The following MMS22L variants were observed in gnomAD, a reference collection of about 807,000 sequenced individuals.
MMS22L encodes protein MMS22-like.
A neutral mutation model predicts 159.1 loss-of-function variants in MMS22L; 74 were observed. The observed-to-expected ratio is 0.47, with a 90% confidence interval of 0.39 to 0.56. The LOEUF (loss-of-function observed/expected upper bound fraction) is 0.56. MMS22L is among the 20% of genes least tolerant of loss of function. MMS22L has a pLI of 0.00. For synonymous variants in MMS22L, 517 were observed against 506.9 expected (o/e 1.02, Z -0.27); for missense variants, 1,351 against 1,422.1 (o/e 0.95, Z 0.80).
intron 14 of MMS22L, among the ~76,000 whole-genome samples, chr6:97,215,065 T>C (rs1205521781): frequency 6.7e-6 from 1 of 149,112 alleles, no homozygotes; most frequent in Non-Finnish European, 1.5e-5. Context: ...CAATTTCTGA[T>C]TTTTTTCACA....
At chr6:97,192,167 CGGATGGATGGATGGATGGATGGAT>C (rs111699319) in intron 14 of MMS22L, among the ~76,000 whole-genome samples, 1 of 148,378 alleles carries the variant, frequency 6.7e-6, no homozygotes, top group Non-Finnish European at 1.5e-5. Flanking sequence ...AGGTGGTAGA[CGGATGGATGGATGGATGGATGGAT>C]GGATGGATGG....
Position 97,142,703 on chromosome 6 carries a change from G to A in MMS22L, c.*4103C>T, listed in dbSNP as rs1800697546. The A allele has an allele frequency of 6.6e-6, 1 of 152,034 alleles. No homozygotes were observed. Among genetic ancestry groups the A allele is most frequent in the African/African-American group, 2.4e-5 (1 of 41,408 alleles). The allele number at this position is 152,034 out of a possible 1,614,324, so 9.4% of individuals were successfully genotyped here. A position where few individuals can be genotyped will look rare whatever the true frequency, so the allele number is the denominator to read the frequency against. On this transcript the variant is annotated 3_prime_UTR_variant, in exon 25 of 25. Coordinates refer to ENST00000683635, the MANE Select transcript of MMS22L (RefSeq NM_001350599.2). ...GTTTGGGGAAGGCAGATTTCTAAAG[G>A]CTTTTCCTAACTGTAGAAGCTTGTC...
At chr6:97,215,118 T>C (rs370592496) in intron 14 of MMS22L, among the ~76,000 whole-genome samples, 1 of 144,310 alleles carries the variant, frequency 6.9e-6, no homozygotes, top group Admixed American at 6.8e-5. Context: ...ATATATATTT[T>C]TTTTTTGCAT....
chr6:97,228,681 T>C (rs1388615667), intron 14 of MMS22L, among the ~76,000 whole-genome samples: 1 of 152,156 alleles, frequency 6.6e-6, no homozygotes, highest in Non-Finnish European at 1.5e-5. Context: ...CCAAAACACT[T>C]CTAGTCCCAA....
chr6:97,268,692 T>C (rs1005991586), intron 7 of MMS22L, among the ~76,000 whole-genome samples: 2 of 152,158 alleles, frequency 1.3e-5, no homozygotes, highest in Admixed American at 6.5e-5. Context: ...GCAATTGTTT[T>C]ATGGCATAAA....
intron 14 of MMS22L, among the ~76,000 whole-genome samples, chr6:97,195,609 C>G (rs1806409901): frequency 6.6e-6 from 1 of 152,198 alleles, no homozygotes; most frequent in East Asian, 1.9e-4. Context: ...CAGTGCTAGT[C>G]ACTATGTCTG....
At position 97,151,812 on chromosome 6, in the gene MMS22L, C is replaced by A. The variant is rs753770730; in HGVS notation, c.3441G>T (p.Gly1147=). Reference sequence around the variant, plus strand: ...GCTGGGAGGAAGGTTCTTCTTCTGACCCCACTTGGCAGGCTTTTACCATGT... The same window carrying A: ...GCTGGGAGGAAGGTTCTTCTTCTGAACCCACTTGGCAGGCTTTTACCATGT... ...LQYMVKACQV[G]SEEEPSSQLT... The change falls in exon 23 of 25, where the codon GGG becomes GGT. Residue 1147 remains glycine, a synonymous_variant. Coordinates refer to ENST00000683635, the MANE Select transcript of MMS22L (RefSeq NM_001350599.2). 69 of 1,613,480 alleles carry A rather than the reference C, an allele frequency of 4.3e-5. 1 individual carries two copies. The highest frequency in any genetic ancestry group is 5.4e-5 in the Non-Finnish European group (64 of 1,179,638).
chr6:97,219,019 G>C (rs1428331166), intron 14 of MMS22L, among the ~76,000 whole-genome samples: 1 of 152,110 alleles, frequency 6.6e-6, no homozygotes, highest in African/African-American at 2.4e-5. Context: ...ATCAGATCTC[G>C]TGAGAACTCA....
At chr6:97,206,627 A>G (rs1807817703) in intron 14 of MMS22L, among the ~76,000 whole-genome samples, 1 of 152,130 alleles carries the variant, frequency 6.6e-6, no homozygotes, top group Non-Finnish European at 1.5e-5. Context: ...ATACCTATCA[A>G]AAGTACACTT....
At chr6:97,208,957 T>C (rs949020867) in intron 14 of MMS22L, among the ~76,000 whole-genome samples, 5 of 151,864 alleles carry the variant, frequency 3.3e-5, no homozygotes, top group East Asian at 1.9e-4. Flanking sequence ...AGCATTTTTT[T>C]CCTCACTTCT....
chr6:97,160,509 AT>A (rs1428485905), intron 22 of MMS22L, among the ~76,000 whole-genome samples: 4 of 151,678 alleles, frequency 2.6e-5, no homozygotes, highest in Non-Finnish European at 4.4e-5. Context: ...AGGATGAGTC[AT>A]TTTTCTCTGG....
chr6:97,207,175 C>G (rs1807878229), intron 14 of MMS22L, among the ~76,000 whole-genome samples: 1 of 152,116 alleles, frequency 6.6e-6, no homozygotes, highest in African/African-American at 2.4e-5. Flanking sequence ...ATGTTCCACT[C>G]ATTTTTCCAT....
intron 22 of MMS22L, among the ~76,000 whole-genome samples, chr6:97,157,231 G>A (rs1485755377): frequency 6.6e-6 from 1 of 152,094 alleles, no homozygotes; most frequent in African/African-American, 2.4e-5. Flanking sequence ...GAGACGATGG[G>A]GTTTCCTAAA....
intron 12 of MMS22L, among the ~76,000 whole-genome samples, chr6:97,233,246 G>C (rs887635119): frequency 3.9e-5 from 6 of 152,044 alleles, no homozygotes; most frequent in Admixed American, 2.0e-4. Context: ...CTATAATTCA[G>C]AACTATTTAA....
intron 14 of MMS22L, among the ~76,000 whole-genome samples, chr6:97,206,771 A>C (rs185009496): frequency 6.6e-6 from 1 of 152,284 alleles, no homozygotes; most frequent in African/African-American, 2.4e-5. Context: ...AACGCCCATC[A>C]TAAGGACCAT....
intron 22 of MMS22L, among the ~76,000 whole-genome samples, chr6:97,158,616 C>A (rs887349463): frequency 6.6e-6 from 1 of 152,070 alleles, no homozygotes; most frequent in Non-Finnish European, 1.5e-5. Flanking sequence ...TGTAGTTGTG[C>A]GGTTTTGAGT....
At chr6:97,280,522 G>A (rs1816666828) in intron 3 of MMS22L, among the ~76,000 whole-genome samples, 2 of 152,028 alleles carry the variant, frequency 1.3e-5, no homozygotes, top group African/African-American at 4.8e-5. Context: ...TAGTACAGAA[G>A]GGGCTTCACC....
intron 10 of MMS22L, chr6:97,254,352 T>C: frequency 2.0e-6 from 1 of 509,706 alleles, no homozygotes; most frequent in Non-Finnish European, 3.4e-6. Flanking sequence ...TACCAAATCT[T>C]CTACAAGTAA....
At chr6:97,195,383 G>T (rs1358935886) in intron 14 of MMS22L, among the ~76,000 whole-genome samples, 1 of 152,010 alleles carries the variant, frequency 6.6e-6, no homozygotes, top group Non-Finnish European at 1.5e-5. Context: ...AAATCCAAGT[G>T]GATAACAAGC....
Sources: gnomAD v4.1 joint callset for allele counts (sites outside exome capture counted in the v4.1 genomes callset) on GRCh38, gnomAD v4.1.1 for gene constraint, MANE v1.5 for transcripts, NCBI Gene and HGNC (gene_info 2026-07-23, HGNC 2026-07-21) for gene names.